Variants in PPP2R3B observed in about 807,000 individuals in gnomAD.
The protein encoded by PPP2R3B is serine/threonine-protein phosphatase 2A regulatory subunit B'' subunit beta.
A neutral mutation model predicts 72.9 loss-of-function variants in PPP2R3B; 68 were observed. The observed-to-expected ratio is 0.93, with a 90% CI of 0.77 to 1.14. The LOEUF (loss-of-function observed/expected upper bound fraction) is 1.14. Among genes scored for constraint, PPP2R3B ranks in the 50% most tolerant of loss-of-function variants. The probability of loss-of-function intolerance (pLI) is 0.00; values close to 1 mark genes in which losing one functional copy is unlikely to be tolerated. For synonymous variants in PPP2R3B, 466 were observed against 375.8 expected, an observed-to-expected ratio of 1.24 and a Z score of -2.78; for missense variants, 1,018 against 842.0, an observed-to-expected ratio of 1.21 and a Z score of -2.59.
In PPP2R3B at chrX:334,239, G is replaced by A. The variant is rs1441423206; in HGVS notation, c.*128C>T. ...CCACAGCGGCAATCAACACGCTTCTGTGAATAAATAAAAGTTTATCATTCC... is the reference window on the plus strand; with the variant it reads ...CCACAGCGGCAATCAACACGCTTCTATGAATAAATAAAAGTTTATCATTCC... On this transcript the variant is annotated 3_prime_UTR_variant, in exon 13 of 13. Transcript: ENST00000390665. The A allele has an allele frequency of 2.6e-6, 3 of 1,148,516 alleles. No individual in the cohort carries two copies. Among genetic ancestry groups the A allele is most frequent in the East Asian group, 6.5e-5 (2 of 30,830 alleles). The allele number at this position is 1,148,516 out of a possible 1,614,324, so 71.1% of individuals were successfully genotyped here.
At position 338,725 on chromosome X, in the gene PPP2R3B, C is replaced by A. The variant is rs191515961; in HGVS notation, c.1471-15G>T. The A allele has an allele frequency of 1.2e-6, 2 of 1,611,728 alleles. No individual in the cohort carries two copies. The highest frequency in any genetic ancestry group is 1.1e-5 in the South Asian group (1 of 91,036). ...CTGTCACCGTCCTGGAGGAAGCACACGGGTTACGTACACGGCGTGGCGCGG... is the reference window on the plus strand; with the variant it reads ...CTGTCACCGTCCTGGAGGAAGCACAAGGGTTACGTACACGGCGTGGCGCGG... On this transcript the variant is annotated splice_polypyrimidine_tract_variant and intron_variant, in intron 11 of 12. Coordinates refer to ENST00000390665, the MANE Select transcript of PPP2R3B (RefSeq NM_013239.5).
intron 2 of PPP2R3B, 71 bp from the exon 3 acceptor site, chrX:347,764 G>T: frequency 1.7e-6 from 2 of 1,205,858 alleles, no homozygotes; most frequent in Non-Finnish European, 2.3e-6. Flanking sequence ...CGTACCTCGC[G>T]CCTGACCGAC....
In PPP2R3B at chrX:334,421, G is replaced by A. The variant is rs149328748; in HGVS notation, c.1674C>T (p.Gly558=). Reference sequence around the variant, plus strand: ...ATGCGTACTCGTACAGGTCCACGGCGCCCAGCGGTGAGGGCGCCTCGAAGA... The same window carrying A: ...ATGCGTACTCGTACAGGTCCACGGCACCCAGCGGTGAGGGCGCCTCGAAGA... ...RPFFEAPSPL[G]AVDLYEYACG... is the part of the protein sequence containing the mutation. Residue 558 remains glycine, a synonymous_variant, in exon 13 of 13, where the codon GGC becomes GGT. Transcript: ENST00000390665. 8.7e-5 allele frequency: 139 copies of A among 1,592,830 alleles called. No homozygotes were observed. Among genetic ancestry groups the A allele is most frequent in the African/African-American group, 1.4e-4 (10 of 73,732 alleles).
At position 386,871 on chromosome X, in the gene PPP2R3B, G is replaced by T. The variant is rs1205990317; in HGVS notation, c.-180C>A. The T allele has an allele frequency of 1.4e-5, 3 of 221,362 alleles. No homozygotes were observed. The highest frequency in any genetic ancestry group is 2.7e-4 in the East Asian group (2 of 7,528). The allele number at this position is 221,362 out of a possible 1,614,324, so 13.7% of individuals were successfully genotyped here. ...CTCGCGGGGCGCGGGGACCGAGGAG[G>T]GGGCGCGGTCCGGCCCGCGCTGCTC... On this transcript the variant is annotated 5_prime_UTR_variant, in exon 1 of 13. Transcript: ENST00000390665.
chrX:338,258 C>T (rs2070943482), intron 12 of PPP2R3B: 2 of 463,110 alleles, frequency 4.3e-6, no homozygotes, highest in South Asian at 2.4e-5. Context: ...GGCCCTGCAG[C>T]CTGCCCAGCA....
At chrX:339,118 G>A (rs188328706) in intron 10 of PPP2R3B, among the ~76,000 whole-genome samples, 401 of 141,498 alleles carry the variant, frequency 2.8e-3, no homozygotes, top group South Asian at 0.012. Flanking sequence ...AGGGGCCACC[G>A]GTGCCCCAAG....
At chrX:379,539 T>A (rs1342965504) in intron 1 of PPP2R3B, among the ~76,000 whole-genome samples, 1 of 152,230 alleles carries the variant, frequency 6.6e-6, no homozygotes, top group Non-Finnish European at 1.5e-5. Flanking sequence ...TGTTCTAATG[T>A]TCTAGAATGC....
In PPP2R3B at chrX:338,388, G is replaced by A. The variant is rs752154825; in HGVS notation, c.1577+216C>T. On this transcript the variant is annotated intron_variant, in intron 12 of 12. Transcript: ENST00000390665. ...CACAGAACCCCACGCGGGGAATGAC[G>A]GGCAGACTGCACCGAGGCCCGGCCC... 110 of 615,144 alleles carry A rather than the reference G, an allele frequency of 1.8e-4. 1 individual carries two copies. The highest frequency in any genetic ancestry group is 1.7e-3 in the South Asian group (90 of 53,376). The allele number at this position is 615,144 out of a possible 1,614,324, so 38.1% of individuals were successfully genotyped here. A position where few individuals can be genotyped will look rare whatever the true frequency, so the allele number is the denominator to read the frequency against.
intron 1 of PPP2R3B, among the ~76,000 whole-genome samples, chrX:378,585 C>G (rs1476888522): frequency 2.0e-5 from 3 of 152,172 alleles, no homozygotes; most frequent in Non-Finnish European, 4.4e-5. Flanking sequence ...AGCACGGCTT[C>G]CTCCCTGTTT....
At position 344,850 on chromosome X, in the gene PPP2R3B, C is replaced by G. The variant is rs2071162565; in HGVS notation, c.1036+666G>C. On this transcript the variant is annotated intron_variant, in intron 7 of 12. Coordinates refer to ENST00000390665, the MANE Select transcript of PPP2R3B (RefSeq NM_013239.5). ...CGGGTGCAGCTCACGTTCGGGGAAC[C>G]AGGCGTATTATGAGTCGACCACACA... The G allele has an allele frequency of 9.9e-6, 3 of 304,254 alleles. No homozygotes were observed. The Admixed American group carries it at 1.4e-4, about 14-fold the overall frequency. The allele number at this position is 304,254 out of a possible 1,614,324, so 18.8% of individuals were successfully genotyped here. A position where few individuals can be genotyped will look rare whatever the true frequency, so the allele number is the denominator to read the frequency against.
chrX:359,747 T>C (rs2071504011), intron 2 of PPP2R3B: 1 of 442,720 alleles, frequency 2.3e-6, no homozygotes, highest in African/African-American at 2.1e-5. Context: ...AAGAAGTATG[T>C]ATGTTCATAC....
intron 2 of PPP2R3B, among the ~76,000 whole-genome samples, chrX:350,769 G>C (rs897815124): frequency 3.3e-5 from 5 of 152,220 alleles, no homozygotes; most frequent in African/African-American, 1.2e-4. Context: ...ACGCCACGCA[G>C]CTGCCGGGAA....
chrX:359,105 G>A (rs2071493739), intron 2 of PPP2R3B, among the ~76,000 whole-genome samples: 4 of 152,240 alleles, frequency 2.6e-5, no homozygotes, highest in Non-Finnish European at 4.4e-5. Context: ...CGCGTGAGCT[G>A]CAAAAGAGGT....
intron 2 of PPP2R3B, among the ~76,000 whole-genome samples, chrX:358,152 C>T (rs1240614910): frequency 1.3e-5 from 2 of 152,318 alleles, no homozygotes; most frequent in Admixed American, 6.5e-5. Context: ...TCCCCTGGGC[C>T]GGGGGCCCGG....
intron 1 of PPP2R3B, among the ~76,000 whole-genome samples, chrX:376,428 G>T (rs2071995365): frequency 1.4e-5 from 2 of 146,486 alleles, no homozygotes; most frequent in South Asian, 2.1e-4. Flanking sequence ...GTCCACACTC[G>T]ACAGAGCCCC....
intron 9 of PPP2R3B, 64 bp downstream of exon 9, chrX:341,243 C>T (rs2071065157): frequency 2.5e-6 from 4 of 1,569,056 alleles, no homozygotes; most frequent in Admixed American, 1.7e-5. Flanking sequence ...CCTGGGGACA[C>T]ATGTCACATG....
intron 2 of PPP2R3B, among the ~76,000 whole-genome samples, chrX:349,815 A>AC (rs1266298766): frequency 1.3e-5 from 2 of 152,154 alleles, no homozygotes; most frequent in Admixed American, 6.5e-5. Context: ...TACAAAGCAA[A>AC]CTGCAGGGCA....
intron 2 of PPP2R3B, among the ~76,000 whole-genome samples, chrX:354,362 C>T (rs755343479): frequency 5.5e-5 from 8 of 145,930 alleles, no homozygotes; most frequent in African/African-American, 1.8e-4. Flanking sequence ...CCTGCGTGGC[C>T]GGGCAATGCA....
In PPP2R3B at chrX:386,548, G is replaced by T; in HGVS notation, c.144C>A (p.Thr48=). The change falls in exon 1 of 13, where the codon ACC becomes ACA. Residue 48 remains threonine (T), a synonymous_variant. Coordinates refer to ENST00000390665, the MANE Select transcript of PPP2R3B (RefSeq NM_013239.5). ...CCCCGGGCTGCTCCCCGTCCCCCGG[G>T]GTCGGCTGGTCCCGCCCGGGCGCCT... ...RIKAPGRDQP[T]PGDGEQPGAW... 7.0e-7 allele frequency: 1 copy of T among 1,433,036 alleles called. No individual in the cohort carries two copies. The highest frequency in any genetic ancestry group is 9.2e-7 in the Non-Finnish European group (1 of 1,090,844). The allele number at this position is 1,433,036 out of a possible 1,614,324, so 88.8% of individuals were successfully genotyped here.
Sources: gnomAD v4.1 joint callset for allele counts (sites outside exome capture counted in the v4.1 genomes callset) on GRCh38, gnomAD v4.1.1 for gene constraint, MANE v1.5 for transcripts, NCBI Gene and HGNC (gene_info 2026-07-23, HGNC 2026-07-21) for gene names.